The following XYLT1 variants were observed in gnomAD, a reference collection of about 807,000 sequenced individuals.
XYLT1 encodes xylosyltransferase 1.
A neutral mutation model predicts 91.3 loss-of-function variants in XYLT1; 36 were observed. That is an observed-to-expected ratio of 0.39 (90% CI 0.30 to 0.52). The LOEUF (loss-of-function observed/expected upper bound fraction) is 0.52. Among genes scored for constraint, XYLT1 ranks in the 20% least tolerant of loss-of-function variants. The pLI is 0.68. For synonymous variants in XYLT1, 588 were observed against 532.0 expected (o/e 1.11, Z -1.45); for missense variants, 1,242 against 1,284.5 (o/e 0.97, Z 0.51).
At chr16:17,136,037 T>G (rs2030706558) in intron 8 of XYLT1, among the ~76,000 whole-genome samples, 1 of 152,214 alleles carries the variant, frequency 6.6e-6, no homozygotes, top group Non-Finnish European at 1.5e-5. Flanking sequence ...CTAGTGTTAT[T>G]ATTGACCTAA....
chr16:17,462,842 T>C (rs960479430), intron 1 of XYLT1, among the ~76,000 whole-genome samples: 3 of 152,154 alleles, frequency 2.0e-5, no homozygotes, highest in Admixed American at 6.6e-5. Context: ...AATATAATAG[T>C]ACACAGCTTG....
chr16:17,198,468 G>C, intron 4 of XYLT1, 54 bp from the exon 5 acceptor site: 2 of 1,554,878 alleles, frequency 1.3e-6, no homozygotes, highest in Non-Finnish European at 1.7e-6. Context: ...AAATACCCAG[G>C]CATGCCCCTC....
intron 11 of XYLT1, among the ~76,000 whole-genome samples, chr16:17,116,114 T>C (rs1455794790): frequency 6.6e-6 from 1 of 152,186 alleles, no homozygotes; most frequent in East Asian, 1.9e-4. Context: ...CTAAAAGGAT[T>C]CACACCAGAC....
intron 8 of XYLT1, 192 bp downstream of exon 8, chr16:17,138,163 G>GTTTAGAACATCCCTGAA: frequency 1.7e-6 from 1 of 589,480 alleles, no homozygotes; most frequent in Non-Finnish European, 2.9e-6. Context: ...GAGTCAATGT[G>GTTTAGAACATCCCTGAA]GTTAGAACAT....
chr16:17,134,446 CCT>C, intron 9 of XYLT1, 25 bp downstream of exon 9: 2 of 1,611,718 alleles, frequency 1.2e-6, no homozygotes, highest in Non-Finnish European at 8.5e-7. Context: ...TCTCAGCTCT[CCT>C]CTCTGCATCC....
chr16:17,226,421 G>A (rs926328854), intron 3 of XYLT1, among the ~76,000 whole-genome samples: 1 of 152,198 alleles, frequency 6.6e-6, no homozygotes, highest in African/African-American at 2.4e-5. Flanking sequence ...CCTGTGCATT[G>A]TGCAGTGCCC....
intron 1 of XYLT1, among the ~76,000 whole-genome samples, chr16:17,469,810 G>C (rs936606290): frequency 7.2e-5 from 11 of 152,178 alleles, no homozygotes; most frequent in African/African-American, 2.7e-4. Flanking sequence ...ATGGGAGACG[G>C]CAAGGTTAGA....
At chr16:17,435,435 C>A (rs2036444416) in intron 1 of XYLT1, among the ~76,000 whole-genome samples, 1 of 152,168 alleles carries the variant, frequency 6.6e-6, no homozygotes, top group Non-Finnish European at 1.5e-5. Context: ...TGGTCACTTT[C>A]TTCTACGACA....
At chr16:17,440,176 CTACG>C (rs1006170923) in intron 1 of XYLT1, among the ~76,000 whole-genome samples, 1 of 152,224 alleles carries the variant, frequency 6.6e-6, no homozygotes, top group Admixed American at 6.5e-5. Flanking sequence ...CAGCTAACAA[CTACG>C]TAAGTGAATT....
At chr16:17,157,733 G>A (rs1421981856) in intron 6 of XYLT1, among the ~76,000 whole-genome samples, 1 of 152,090 alleles carries the variant, frequency 6.6e-6, no homozygotes, top group African/African-American at 2.4e-5. Flanking sequence ...CTGGACTGGT[G>A]TTTAATGGTG....
In XYLT1 at chr16:17,108,682, C is replaced by G. The variant is rs773153732; in HGVS notation, c.*13G>C. The G allele has an allele frequency of 6.4e-7, 1 of 1,550,856 alleles. No individual in the cohort carries two copies. Among genetic ancestry groups the G allele is most frequent in the African/African-American group, 1.3e-5 (1 of 74,236 alleles). ...GTTGAGATCCTGCTGTGGCCCACTC[C>G]TCGTGCCCAGTGCTACCTGAGCCGG... On this transcript the variant is annotated 3_prime_UTR_variant, in exon 12 of 12. Coordinates refer to ENST00000261381, the MANE Select transcript of XYLT1 (RefSeq NM_022166.4).
intron 9 of XYLT1, among the ~76,000 whole-genome samples, chr16:17,128,693 C>T (rs988042031): frequency 9.9e-5 from 15 of 152,106 alleles, no homozygotes; most frequent in African/African-American, 4.8e-5. Flanking sequence ...TTAAAATGCA[C>T]GTCTTTGATC....
chr16:17,441,675 C>T (rs140740648), intron 1 of XYLT1, among the ~76,000 whole-genome samples: 45 of 152,254 alleles, frequency 3.0e-4, no homozygotes, highest in African/African-American at 7.9e-4. Flanking sequence ...ATAGCAGGTA[C>T]TCTAAGTAGC....
At chr16:17,152,353 T>G (rs1374231869) in intron 6 of XYLT1, among the ~76,000 whole-genome samples, 2 of 152,206 alleles carry the variant, frequency 1.3e-5, no homozygotes, top group African/African-American at 2.4e-5. Flanking sequence ...GCTGCTATAA[T>G]TGGATTAAAT....
rs1317366041 is a variant in XYLT1 at position 17,364,517 on chromosome 16, T to C, written c.364-6467A>G. ...CTCCAGGCTTACAAAGGCTGAGACA[T>C]ATCCCTCTATACTCAACCCTACTAA... On this transcript the variant is annotated intron_variant, in intron 1 of 11. Coordinates refer to ENST00000261381, the MANE Select transcript of XYLT1 (RefSeq NM_022166.4). Among the ~76,000 whole-genome samples, 6 of 152,326 alleles carry C rather than the reference T, an allele frequency of 3.9e-5. No homozygotes were observed. In the East Asian group the frequency reaches 1.2e-3, roughly 29 times the overall value.
chr16:17,311,682 T>C (rs12924149), intron 2 of XYLT1, among the ~76,000 whole-genome samples: 2 of 152,150 alleles, frequency 1.3e-5, no homozygotes, highest in Admixed American at 1.3e-4. Flanking sequence ...TTCCCCCTTG[T>C]GTGTATTAGT....
rs367666819 is a variant in XYLT1 at position 17,407,595 on chromosome 16, CTTTG to C, written c.364-49549_364-49546del. ...GGCATGAGACAGCAGCACTCAGTCT[CTTTG>C]TTTATTTCTCTGCCTGCTCCCCACC... On this transcript the variant is annotated intron_variant, in intron 1 of 11. Coordinates refer to ENST00000261381, the MANE Select transcript of XYLT1 (RefSeq NM_022166.4). Among the ~76,000 whole-genome samples the C allele has an allele frequency of 3.6e-3, 550 of 152,328 alleles. 2 individuals are homozygous for C. Among genetic ancestry groups the C allele is most frequent in the African/African-American group, 0.012 (503 of 41,586 alleles).
At chr16:17,215,719 G>A (rs1236356473) in intron 3 of XYLT1, among the ~76,000 whole-genome samples, 3 of 152,156 alleles carry the variant, frequency 2.0e-5, no homozygotes, top group African/African-American at 7.2e-5. Context: ...AGGGAAAAGT[G>A]TCCCTAAGTG....
intron 1 of XYLT1, among the ~76,000 whole-genome samples, chr16:17,453,026 C>T (rs1214199327): frequency 6.6e-6 from 1 of 152,202 alleles, no homozygotes; most frequent in Non-Finnish European, 1.5e-5. Context: ...AAGTTTCTCA[C>T]ATCTGGGAAT....
Sources: gnomAD v4.1 joint callset for allele counts (sites outside exome capture counted in the v4.1 genomes callset) on GRCh38, gnomAD v4.1.1 for gene constraint, MANE v1.5 for transcripts, NCBI Gene and HGNC (gene_info 2026-07-23, HGNC 2026-07-21) for gene names.